Variants in ARHGAP23 observed in about 807,000 individuals in gnomAD.
ARHGAP23 encodes the protein Rho GTPase activating protein 23, also known as rho GTPase-activating protein 23.
A neutral mutation model predicts 136.3 loss-of-function variants in ARHGAP23; 34 were observed. That is an observed-to-expected ratio of 0.25 (90% CI 0.19 to 0.33). ARHGAP23 has a LOEUF of 0.33. Among genes scored for constraint, ARHGAP23 ranks in the 10% least tolerant of loss-of-function variants. ARHGAP23 has a pLI of 1.00. For missense variants in ARHGAP23, 1,808 were observed against 2,139.0 expected, an observed-to-expected ratio of 0.85 and a Z score of 3.05; for synonymous variants, 832 against 920.5, an observed-to-expected ratio of 0.90 and a Z score of 1.74.
chr17:38,503,001 T>C (rs1473589611), intron 23 of ARHGAP23, among the ~76,000 whole-genome samples: 1 of 152,184 alleles, frequency 6.6e-6, no homozygotes, highest in Non-Finnish European at 1.5e-5. Context: ...TGAGCCGTGA[T>C]CATGCCACTG....
chr17:38,429,887 C>G (rs1189968349), intron 1 of ARHGAP23, among the ~76,000 whole-genome samples: 1 of 152,186 alleles, frequency 6.6e-6, no homozygotes, highest in Non-Finnish European at 1.5e-5. Flanking sequence ...GCCAGGGCAA[C>G]AGACCCCATT....
In ARHGAP23 at chr17:38,510,485, G is replaced by T; in HGVS notation, c.3989G>T (p.Gly1330Val). 1 of 1,180,358 alleles carries T rather than the reference G, an allele frequency of 8.5e-7. No individual in the cohort carries two copies. The highest frequency in any genetic ancestry group is 3.4e-4 in the Middle Eastern group (1 of 2,934). The allele number at this position is 1,180,358 out of a possible 1,614,324, so 73.1% of individuals were successfully genotyped here. ...RRRLARGRPDGEGAGRGGPRA... is the reference protein window; with the variant it reads ...RRRLARGRPDVEGAGRGGPRA... Reference sequence around the variant, plus strand: ...CGCCTGGCCCGGGGCCGCCCAGACGGCGAGGGCGCGGGCCGGGGCGGTCCC... The same window carrying T: ...CGCCTGGCCCGGGGCCGCCCAGACGTCGAGGGCGCGGGCCGGGGCGGTCCC... Residue 1330 changes from glycine (G) to valine (V), a missense_variant, in exon 24 of 24, where the codon GGC becomes GTC. This residue lies in a region of ARHGAP23 where 506 missense variants were observed against 455.8 expected (regional missense o/e 1.11). Coordinates refer to ENST00000622683, the MANE Select transcript of ARHGAP23 (RefSeq NM_001199417.2). This position sits in a 1 kb window ranked among gnomAD's most constrained non-coding sequence, Gnocchi z 4.6.
Position 38,510,583 on chromosome 17 carries a change from G to A in ARHGAP23, c.4087G>A (p.Ala1363Thr). 7.9e-7 allele frequency: 1 copy of A among 1,264,378 alleles called. No individual in the cohort carries two copies. Among genetic ancestry groups the A allele is most frequent in the Non-Finnish European group, 9.9e-7 (1 of 1,007,114 alleles). The allele number at this position is 1,264,378 out of a possible 1,614,324, so 78.3% of individuals were successfully genotyped here. The change falls in exon 24 of 24, where the codon GCC becomes ACC. Residue 1363 changes from alanine to threonine, a missense_variant. Transcript: ENST00000622683. The surrounding 1 kb of genome is among the most constrained non-coding windows in gnomAD (Gnocchi z 4.6). Reference sequence around the variant, plus strand: ...GCTGCGGCCCCCGGCGGCGGCGCTGGCCTCCCGGCCCTCGCGCATGGAGGC... The same window carrying A: ...GCTGCGGCCCCCGGCGGCGGCGCTGACCTCCCGGCCCTCGCGCATGGAGGC... ...ESLRPPAAAL[A>T]SRPSRMEALR...
At chr17:38,459,448 T>C (rs1191967533) in intron 2 of ARHGAP23, among the ~76,000 whole-genome samples, 1 of 152,126 alleles carries the variant, frequency 6.6e-6, no homozygotes, top group Non-Finnish European at 1.5e-5. Context: ...CTGAAGAACA[T>C]AAGTGGGGGC....
At chr17:38,472,445 G>A (rs1211264632) in intron 11 of ARHGAP23, among the ~76,000 whole-genome samples, 1 of 152,158 alleles carries the variant, frequency 6.6e-6, no homozygotes, top group Non-Finnish European at 1.5e-5. Flanking sequence ...CTCTTGCCAA[G>A]GGAGTTACAG....
chr17:38,429,327 C>G (rs1331294140), intron 1 of ARHGAP23, among the ~76,000 whole-genome samples: 2 of 152,250 alleles, frequency 1.3e-5, no homozygotes, highest in Admixed American at 6.5e-5. Flanking sequence ...CCCATCAGGG[C>G]CATTCCCTTA....
chr17:38,477,437 G>T lies in ARHGAP23; in HGVS notation c.2119-142G>T, dbSNP rs2039920440. ...GGGCTGTGGGCAGGAGGCTGCCCAG[G>T]TCTAGCCGGGTGGAGCAGGGGGCTC... On this transcript the variant is annotated intron_variant, in intron 11 of 23. Transcript: ENST00000622683. The surrounding 1 kb of genome is among the most constrained non-coding windows in gnomAD (Gnocchi z 6.6). 2 of 822,244 alleles carry T rather than the reference G, an allele frequency of 2.4e-6. No homozygotes were observed. Among genetic ancestry groups the T allele is most frequent in the East Asian group, 1.1e-4 (2 of 18,176 alleles). 50.9% of individuals were successfully genotyped at this position (822,244 alleles called of 1,614,324 possible). A position where few individuals can be genotyped will look rare whatever the true frequency, so the allele number is the denominator to read the frequency against.
At chr17:38,498,220 G>C (rs2040435829) in intron 21 of ARHGAP23, among the ~76,000 whole-genome samples, 194 bp from the exon 22 acceptor site, 1 of 152,166 alleles carries the variant, frequency 6.6e-6, no homozygotes, top group Admixed American at 6.5e-5. Context: ...GTTGAGGAAG[G>C]CACAAAACTG....
chr17:38,491,303 T>C, intron 19 of ARHGAP23, 104 bp from the exon 20 acceptor site: 3 of 1,463,120 alleles, frequency 2.1e-6, no homozygotes, highest in Non-Finnish European at 2.8e-6. Context: ...CCCTCTAAGC[T>C]GGGGACTGGT....
chr17:38,469,669 C>T, intron 9 of ARHGAP23, 34 bp downstream of exon 9: 3 of 1,541,690 alleles, frequency 1.9e-6, no homozygotes, highest in Non-Finnish European at 2.6e-6. Context: ...GTGGGGTGGC[C>T]ACAGCCACCG....
intron 3 of ARHGAP23, among the ~76,000 whole-genome samples, chr17:38,461,223 G>A (rs1167722532): frequency 6.6e-6 from 1 of 152,238 alleles, no homozygotes. Flanking sequence ...GCAGATGGGT[G>A]TCTGCCACCT....
At chr17:38,474,436 G>C (rs1021735782) in intron 11 of ARHGAP23, among the ~76,000 whole-genome samples, 17 of 152,150 alleles carry the variant, frequency 1.1e-4, no homozygotes, top group Non-Finnish European at 2.1e-4. Flanking sequence ...ATGGAAGGAG[G>C]AGGAGGCGAT....
chr17:38,439,465 C>G (rs532033258), intron 1 of ARHGAP23, among the ~76,000 whole-genome samples: 1 of 152,166 alleles, frequency 6.6e-6, no homozygotes, highest in Admixed American at 6.6e-5. Flanking sequence ...GTTGAGTGAA[C>G]GCTGCTGACT....
In ARHGAP23 at chr17:38,466,901, T is replaced by G; in HGVS notation, c.1218T>G (p.Ser406=). The change falls in exon 7 of 24, where the codon TCT becomes TCG. Residue 406 remains serine, a synonymous_variant. Coordinates refer to ENST00000622683, the MANE Select transcript of ARHGAP23 (RefSeq NM_001199417.2). The part of the protein sequence containing the change: ...DLPGPQAPPP[S]GLQGLDDLGY... ...CAGGGCCCCAGGCCCCACCCCCGTCTGGCCTGCAGGGCCTGGATGACCTCG... is the reference window on the plus strand; with the variant it reads ...CAGGGCCCCAGGCCCCACCCCCGTCGGGCCTGCAGGGCCTGGATGACCTCG... 1 of 1,550,394 alleles carries G rather than the reference T, an allele frequency of 6.4e-7. No individual in the cohort carries two copies. Among genetic ancestry groups the G allele is most frequent in the South Asian group, 1.2e-5 (1 of 84,066 alleles).
rs1326547911 is a variant in ARHGAP23, at chr17:38,466,258, G to A, written c.575G>A (p.Arg192His). Residue 192 changes from arginine (R) to histidine (H), a missense_variant, in exon 7 of 24, where the codon CGC (arginine) becomes CAC (histidine). Arg to His is a conservative substitution (Grantham distance 29). Coordinates refer to ENST00000622683, the MANE Select transcript of ARHGAP23 (RefSeq NM_001199417.2). ...GAGCCACCCCCGATCTGCTACCCCC[G>A]CAAGACCTACGCCCCTCCTGCCCGG... ...IPEPPPICYP[R>H]KTYAPPARAS... is the part of the protein sequence containing the mutation. 5.8e-6 allele frequency: 9 copies of A among 1,548,508 alleles called. No individual in the cohort carries two copies. The highest frequency in any genetic ancestry group is 2.4e-5 in the East Asian group (1 of 40,838).
At chr17:38,494,447 G>A (rs2040345617) in intron 20 of ARHGAP23, among the ~76,000 whole-genome samples, 1 of 152,072 alleles carries the variant, frequency 6.6e-6, no homozygotes, top group African/African-American at 2.4e-5. Flanking sequence ...ATTGCCAGCG[G>A]GTGTGGTGGT....
chr17:38,509,820 G>GTGCTGGCCTTGGC, intron 23 of ARHGAP23, 124 bp from the exon 24 acceptor site: 1 of 726,142 alleles, frequency 1.4e-6, no homozygotes, highest in Non-Finnish European at 1.9e-6. Flanking sequence ...GCGGCCGTGG[G>GTGCTGGCCTTGGC]TGCTGGCCTT....
chr17:38,482,651 G>A lies in ARHGAP23; in HGVS notation c.2880G>A (p.Gly960=), dbSNP rs1306637540. The part of the protein sequence containing the change: ...VSSLQEQLNR[G]PGDINLQDER... Reference sequence around the variant, plus strand: ...GCCTACAGGAGCAGCTCAACCGCGGGCCTGGTGACATCAACCTGCAGGATG... The same window carrying A: ...GCCTACAGGAGCAGCTCAACCGCGGACCTGGTGACATCAACCTGCAGGATG... Residue 960 remains glycine, a synonymous_variant, in exon 16 of 24, where the codon GGG becomes GGA. Transcript: ENST00000622683. The A allele has an allele frequency of 3.2e-6, 5 of 1,548,960 alleles. No individual in the cohort carries two copies. In the Admixed American group the frequency reaches 9.8e-5, roughly 30 times the overall value.
chr17:38,419,839 C>A (rs958489360), intron 1 of ARHGAP23, among the ~76,000 whole-genome samples: 2 of 152,056 alleles, frequency 1.3e-5, no homozygotes, highest in African/African-American at 2.4e-5. Context: ...GACCCCCAGT[C>A]CCTCCTGGTG....
Sources: gnomAD v4.1 joint callset for allele counts (sites outside exome capture counted in the v4.1 genomes callset) on GRCh38, gnomAD v4.1.1 for gene constraint, gnomAD v4.1.1 regional missense constraint, Gnocchi (gnomAD v3.1) non-coding constraint, MANE v1.5 for transcripts, NCBI Gene and HGNC (gene_info 2026-07-23, HGNC 2026-07-21) for gene names.